CFAP20DC: variants seen among roughly 807,000 people sequenced by gnomAD.
CFAP20DC encodes protein CFAP20DC.
In CFAP20DC, 84 loss-of-function variants were observed where a neutral mutation model predicts 101.7. That is an observed-to-expected ratio of 0.83 (90% CI 0.69 to 0.99). The LOEUF (loss-of-function observed/expected upper bound fraction) is 0.99, where lower values mean the gene tolerates loss of function less well. Ranked by LOEUF, CFAP20DC falls within the 50% of genes least tolerant of loss-of-function variation. The probability of loss-of-function intolerance (pLI) is 0.00; values close to 1 mark genes in which losing one functional copy is unlikely to be tolerated. For synonymous variants in CFAP20DC, 359 were observed against 351.2 expected, an observed-to-expected ratio of 1.02 and a Z score of -0.25; for missense variants, 1,007 against 970.3, an observed-to-expected ratio of 1.04 and a Z score of -0.50.
At chr3:58,793,475 A>G (rs1188452584) in intron 15 of CFAP20DC, among the ~76,000 whole-genome samples, 1 of 152,182 alleles carries the variant, frequency 6.6e-6, no homozygotes, top group Non-Finnish European at 1.5e-5. Flanking sequence ...AATGTGAATT[A>G]GTAGTATTTC....
At chr3:58,929,770 C>T (rs1348175876) in intron 5 of CFAP20DC, among the ~76,000 whole-genome samples, 1 of 152,176 alleles carries the variant, frequency 6.6e-6, no homozygotes, top group South Asian at 2.1e-4. Context: ...GGTCAGTATG[C>T]ACTCCATGCT....
At chr3:58,776,764 G>A (rs2071375592) in intron 15 of CFAP20DC, among the ~76,000 whole-genome samples, 1 of 151,298 alleles carries the variant, frequency 6.6e-6, no homozygotes, top group Admixed American at 6.6e-5. Flanking sequence ...AGGATTGAGG[G>A]AAAAAATTAT....
Position 58,795,973 on chromosome 3 carries a change from G to GCAGGCGGGTC in CFAP20DC, c.2237+10412_2237+10421dup, listed in dbSNP as rs2073209689. 6.6e-6 allele frequency among the ~76,000 whole-genome samples: 1 copy of GCAGGCGGGTC among 152,154 alleles called. No homozygotes were observed. Among genetic ancestry groups the GCAGGCGGGTC allele is most frequent in the South Asian group, 2.1e-4 (1 of 4,822 alleles). Reference sequence around the variant, plus strand: ...GAGGGTGGGGTTAGCTGATGCTCAGGCAGGCGGGTCCAGACACGAACATGG... The same window carrying GCAGGCGGGTC: ...GAGGGTGGGGTTAGCTGATGCTCAGGCAGGCGGGTCCAGGCGGGTCCAGACACGAACATGG... On this transcript the variant is annotated intron_variant, in intron 15 of 16. Transcript: ENST00000482387. This position sits in a 1 kb window ranked among gnomAD's most constrained non-coding sequence, Gnocchi z 4.2.
intron 6 of CFAP20DC, among the ~76,000 whole-genome samples, chr3:58,907,991 T>C (rs2083775256): frequency 6.6e-6 from 1 of 152,186 alleles, no homozygotes; most frequent in Non-Finnish European, 1.5e-5. Context: ...ATCACACCAA[T>C]GCTCGTTCTT....
At position 58,717,452 on chromosome 3, in the gene CFAP20DC, A is replaced by AAAAG; in HGVS notation, c.*132_*135dup. On this transcript the variant is annotated 3_prime_UTR_variant, in exon 4 of 4. Coordinates refer to the CFAP20DC transcript ENST00000486145. This position sits in a 1 kb window ranked among gnomAD's most constrained non-coding sequence, Gnocchi z 4.1. ...CAAGGATGCTTTGGGATCTGTAGAC[A>AAAAG]AAAGATGCTTATTCTTCTCATGTGA... 1 of 282,548 alleles carries AAAAG rather than the reference A, an allele frequency of 3.5e-6. No individual in the cohort carries two copies. The highest frequency in any genetic ancestry group is 3.1e-5 in the South Asian group (1 of 31,826). 17.5% of individuals were successfully genotyped at this position (282,548 alleles called of 1,614,324 possible).
At chr3:58,935,073 A>T (rs1260721802) in intron 5 of CFAP20DC, among the ~76,000 whole-genome samples, 20 of 152,230 alleles carry the variant, frequency 1.3e-4, no homozygotes, top group Admixed American at 1.3e-3. Context: ...ACTTCAGCAA[A>T]GTCTCAGGAT....
In CFAP20DC at chr3:59,006,387, A is replaced by G. The variant is rs565875831; in HGVS notation, c.278+33170T>C. ...ACCATGAACTTTCTTTCCAAGTACC[A>G]CTGCAGGAATCTACCAGGAAAACTG... On this transcript the variant is annotated intron_variant, in intron 4 of 16. Transcript: ENST00000482387. The surrounding 1 kb of genome is among the most constrained non-coding windows in gnomAD (Gnocchi z 4.3). Among the ~76,000 whole-genome samples the G allele has an allele frequency of 1.3e-5, 2 of 152,214 alleles. No individual in the cohort carries two copies. Among genetic ancestry groups the G allele is most frequent in the Admixed American group, 1.3e-4 (2 of 15,288 alleles).
At chr3:58,982,171 C>G (rs1364949878) in intron 4 of CFAP20DC, among the ~76,000 whole-genome samples, 1 of 152,126 alleles carries the variant, frequency 6.6e-6, no homozygotes, top group Non-Finnish European at 1.5e-5. Flanking sequence ...CCACCTCACA[C>G]CAGTTAGAAT....
rs539117733 is a variant in CFAP20DC, at chr3:59,041,635, T to C, written c.206-2006A>G. On this transcript the variant is annotated intron_variant, in intron 3 of 16. Transcript: ENST00000482387. ...ATGTCCATCAAGTACATAAAATTCA[T>C]AAAAATTTAGTTTCTTCCTGAAATA... Among the ~76,000 whole-genome samples the C allele has an allele frequency of 7.2e-5, 11 of 152,250 alleles. No individual in the cohort carries two copies. In the South Asian group the frequency reaches 2.3e-3, roughly 32 times the overall value.
intron 4 of CFAP20DC, among the ~76,000 whole-genome samples, chr3:59,026,248 T>C (rs774095413): frequency 2.6e-5 from 4 of 152,184 alleles, no homozygotes; most frequent in Non-Finnish European, 4.4e-5. Flanking sequence ...AAAATATTAA[T>C]GAAATGTTAT....
At chr3:58,824,761 T>C (rs1234622172) in intron 14 of CFAP20DC, among the ~76,000 whole-genome samples, 2 of 152,180 alleles carry the variant, frequency 1.3e-5, no homozygotes, top group South Asian at 4.1e-4. Context: ...GATGGATGCA[T>C]GCAATGAGCT....
chr3:58,742,527 A>G lies in CFAP20DC; in HGVS notation c.2378T>C (p.Leu793Ser), dbSNP rs756390177. ...SVEEDEEVLT[L>S]LYDPCLNCYF... ...ACAGTTCAGACAAGGGTCATACAAC[A>G]AAGTCAGTACTTCCTCGTCCTCTTC... Residue 793 changes from leucine to serine, a missense_variant, in exon 17 of 17, where the codon TTG (leucine) becomes TCG (serine). Transcript: ENST00000482387. The G allele has an allele frequency of 1.4e-5, 22 of 1,609,638 alleles. No individual in the cohort carries two copies. The highest frequency in any genetic ancestry group is 1.9e-5 in the Non-Finnish European group (22 of 1,178,022).
At chr3:58,883,411 A>C (rs1212654673) in intron 7 of CFAP20DC, among the ~76,000 whole-genome samples, 2 of 152,176 alleles carry the variant, frequency 1.3e-5, no homozygotes, top group Non-Finnish European at 2.9e-5. Flanking sequence ...TAGGATACTG[A>C]AGCCCATTTC....
intron 7 of CFAP20DC, among the ~76,000 whole-genome samples, chr3:58,878,358 T>C (rs974911436): frequency 2.6e-5 from 4 of 152,180 alleles, no homozygotes; most frequent in East Asian, 3.9e-4. Flanking sequence ...CCTTAGACAA[T>C]GTATACATAT....
chr3:58,863,370 T>TAAA lies in CFAP20DC; in HGVS notation c.1593+185_1593+187dup. The TAAA allele has an allele frequency of 5.2e-6, 6 of 1,147,248 alleles. No homozygotes were observed. The highest frequency in any genetic ancestry group is 3.0e-5 in the East Asian group (1 of 32,938). 71.1% of individuals were successfully genotyped at this position (1,147,248 alleles called of 1,614,324 possible). A position where few individuals can be genotyped will look rare whatever the true frequency, so the allele number is the denominator to read the frequency against. ...AAAGTGAAATTGGCTGACTGTTAAT[T>TAAA]AAAAAAAAAAAAAGACAGTTTAAAG... On this transcript the variant is annotated intron_variant, in intron 12 of 16. Transcript: ENST00000482387. The surrounding 1 kb of genome is among the most constrained non-coding windows in gnomAD (Gnocchi z 5.9).
chr3:58,890,082 G>A (rs1399813572), intron 6 of CFAP20DC, among the ~76,000 whole-genome samples: 2 of 150,156 alleles, frequency 1.3e-5, no homozygotes, highest in South Asian at 2.1e-4. Flanking sequence ...CCTCCCAGAC[G>A]GGGTGGTGGC....
intron 6 of CFAP20DC, among the ~76,000 whole-genome samples, chr3:58,889,525 TTTTTTTTTC>T (rs984429926): frequency 7.7e-5 from 11 of 143,480 alleles, no homozygotes; most frequent in African/African-American, 3.1e-4. Context: ...TCGCCAATCT[TTTTTTTTTC>T]TTTTTTTCTT....
chr3:58,851,865 T>C (rs1442069474), intron 12 of CFAP20DC, among the ~76,000 whole-genome samples: 3 of 152,164 alleles, frequency 2.0e-5, no homozygotes, highest in African/African-American at 7.2e-5. Context: ...CTTGCAAATT[T>C]GAACTTTTTG....
rs368323417 is a variant in CFAP20DC at position 58,913,710 on chromosome 3, T to A, written c.548A>T (p.Asp183Val). The change falls in exon 6 of 17, where the codon GAT becomes GTT. Residue 183 changes from aspartate (D) to valine (V), a missense_variant and splice_region_variant. By Grantham distance (152) the Asp-to-Val change is radical. Transcript: ENST00000482387. This position sits in a 1 kb window ranked among gnomAD's most constrained non-coding sequence, Gnocchi z 4.4. ...TCTTGATAGCAACCTGAACATACCATCCTTATCAGCAGTGTCTTGTGGCTT... is the reference window on the plus strand; with the variant it reads ...TCTTGATAGCAACCTGAACATACCAACCTTATCAGCAGTGTCTTGTGGCTT... Reference protein sequence around the residue: ...KSKPQDTADKDAVYGVPFSTD... With the variant: ...KSKPQDTADKVAVYGVPFSTD... 62 of 1,613,486 alleles carry A rather than the reference T, an allele frequency of 3.8e-5. No homozygotes were observed. The highest frequency in any genetic ancestry group is 5.1e-5 in the Non-Finnish European group (60 of 1,179,704).
Sources: allele counts gnomAD v4.1 joint callset (sites outside exome capture counted in the v4.1 genomes callset), GRCh38; gene constraint gnomAD v4.1.1; non-coding constraint Gnocchi (gnomAD v3.1); transcripts MANE v1.5; gene names NCBI Gene and HGNC (gene_info 2026-07-23, HGNC 2026-07-21).